The following KALRN variants were observed in gnomAD, a reference collection of about 807,000 sequenced individuals.
KALRN encodes the protein kalirin RhoGEF kinase.
Under a neutral mutation model 353.7 loss-of-function variants are expected in KALRN, and 70 were observed. The observed-to-expected ratio is 0.20, with a 90% confidence interval of 0.16 to 0.24. KALRN has a LOEUF of 0.24. Among genes scored for constraint, KALRN ranks in the 10% least tolerant of loss-of-function variants. The probability of loss-of-function intolerance (pLI) is 1.00; values close to 1 mark genes in which losing one functional copy is unlikely to be tolerated. For missense variants in KALRN, 2,791 were observed against 3,756.7 expected (o/e 0.74, Z 6.72); for synonymous variants, 1,391 against 1,434.8 (o/e 0.97, Z 0.69).
intron 17 of KALRN, among the ~76,000 whole-genome samples, chr3:124,434,979 A>T (rs866789583): frequency 6.6e-6 from 1 of 152,210 alleles, no homozygotes; most frequent in East Asian, 1.9e-4. Flanking sequence ...ATCTGTTCCC[A>T]TGTCTCTTGT....
intron 1 of KALRN, among the ~76,000 whole-genome samples, chr3:124,052,180 G>C (rs1367236665): frequency 6.6e-6 from 1 of 152,208 alleles, no homozygotes; most frequent in Admixed American, 6.5e-5. Context: ...CCAGAACTCA[G>C]AGGTGACCCA....
At chr3:124,657,652 T>C in intron 40 of KALRN, 82 bp from the exon 41 acceptor site, 1 of 1,364,592 alleles carries the variant, frequency 7.3e-7, no homozygotes, top group Non-Finnish European at 1.0e-6. Context: ...GGGGAGAGTC[T>C]TCTGTAATTC....
At chr3:124,477,406 T>G in intron 27 of KALRN, 72 bp downstream of exon 27, 2 of 1,132,858 alleles carry the variant, frequency 1.8e-6, no homozygotes, top group Non-Finnish European at 2.7e-6. Context: ...GCATAATGGA[T>G]GGATATTTAG....
intron 36 of KALRN, chr3:124,636,988 A>G: frequency 3.6e-6 from 2 of 554,682 alleles, no homozygotes; most frequent in Non-Finnish European, 6.6e-6. Flanking sequence ...AGGATAGCCT[A>G]GTACCATCCA....
chr3:124,440,406 A>G (rs988692057), intron 18 of KALRN, among the ~76,000 whole-genome samples: 1 of 152,182 alleles, frequency 6.6e-6, no homozygotes, highest in Non-Finnish European at 1.5e-5. Context: ...TATGCCCAGT[A>G]AATAGAATAT....
At position 124,667,178 on chromosome 3, in the gene KALRN, T is replaced by C. The variant is rs775218572; in HGVS notation, c.6698T>C (p.Leu2233Ser). 1 of 1,613,650 alleles carries C rather than the reference T, an allele frequency of 6.2e-7. No individual in the cohort carries two copies. The change falls in exon 47 of 60, where the codon TTG (leucine) becomes TCG (serine). Residue 2233 changes from leucine to serine, a missense_variant. Physicochemically the swap from Leu to Ser is moderately radical, Grantham distance 145. Around this residue, in one of 11 missense-constraint regions of KALRN, gnomAD observed 1,065 missense variants for 1,156.4 expected, o/e 0.92. Transcript: ENST00000682506. ...NQVLETQRDF[L>S]NALQSPIEYQ... Reference sequence around the variant, plus strand: ...GTCTTAGAAACACAGCGAGACTTTTTGAATGGTGGGTGCTGGGCTTGGTTC... The same window carrying C: ...GTCTTAGAAACACAGCGAGACTTTTCGAATGGTGGGTGCTGGGCTTGGTTC...
intron 33 of KALRN, among the ~76,000 whole-genome samples, chr3:124,554,800 C>T (rs1302055903): frequency 1.3e-5 from 2 of 152,192 alleles, no homozygotes; most frequent in African/African-American, 4.8e-5. Flanking sequence ...TTAAAGTTCT[C>T]ACTGTGAAGT....
intron 31 of KALRN, among the ~76,000 whole-genome samples, chr3:124,492,486 G>T (rs1033147316): frequency 6.6e-6 from 1 of 152,194 alleles, no homozygotes; most frequent in Non-Finnish European, 1.5e-5. Flanking sequence ...AGTGCCTTAT[G>T]AGTTATGAAA....
chr3:124,598,185 T>C (rs1048216190), intron 34 of KALRN, among the ~76,000 whole-genome samples: 3 of 152,236 alleles, frequency 2.0e-5, no homozygotes, highest in African/African-American at 7.2e-5. Flanking sequence ...GGAAATCAGC[T>C]GCTCCTCTGG....
intron 11 of KALRN, among the ~76,000 whole-genome samples, chr3:124,389,884 A>G (rs779579448): frequency 2.0e-5 from 3 of 152,208 alleles, no homozygotes; most frequent in Non-Finnish European, 2.9e-5. Context: ...TAAATTCATA[A>G]TCAGGAACAA....
chr3:124,707,575 A>C (rs893075633), intron 57 of KALRN, among the ~76,000 whole-genome samples: 3 of 152,178 alleles, frequency 2.0e-5, no homozygotes, highest in African/African-American at 7.2e-5. Flanking sequence ...TAGCATGCAC[A>C]AACAGCAAAA....
chr3:124,296,148 G>A (rs1257448841), intron 5 of KALRN, among the ~76,000 whole-genome samples: 1 of 152,192 alleles, frequency 6.6e-6, no homozygotes, highest in East Asian at 1.9e-4. Flanking sequence ...TTAAGTGTGA[G>A]TTGTTACAGC....
At chr3:124,397,013 C>T (rs2090249520) in intron 12 of KALRN, among the ~76,000 whole-genome samples, 1 of 152,228 alleles carries the variant, frequency 6.6e-6, no homozygotes, top group African/African-American at 2.4e-5. Context: ...ATCTTTCTGA[C>T]ACTTGTTACT....
intron 34 of KALRN, 22 bp downstream of exon 34, chr3:124,563,111 G>C (rs771852130): frequency 3.7e-5 from 51 of 1,362,126 alleles, no homozygotes; most frequent in Non-Finnish European, 4.7e-5. Context: ...GAGCGGGTGG[G>C]AGGCACAGAC....
At chr3:124,395,661 AT>A (rs2090074903) in intron 12 of KALRN, 1 of 330,480 alleles carries the variant, frequency 3.0e-6, no homozygotes. Context: ...ATTAGGGCAT[AT>A]TTGCTCATGC....
chr3:124,672,500 G>C (rs1209209339), intron 48 of KALRN, among the ~76,000 whole-genome samples: 1 of 152,198 alleles, frequency 6.6e-6, no homozygotes, highest in East Asian at 1.9e-4. Context: ...ATGATGATCT[G>C]CCTCGAGCAC....
At chr3:124,451,169 G>T (rs2058741846) in intron 21 of KALRN, among the ~76,000 whole-genome samples, 2 of 151,972 alleles carry the variant, frequency 1.3e-5, no homozygotes, top group African/African-American at 4.8e-5. Context: ...TGTAAAATGT[G>T]CTAAAGTCAA....
chr3:124,388,773 G>A (rs1004707780), intron 11 of KALRN, among the ~76,000 whole-genome samples: 5 of 152,106 alleles, frequency 3.3e-5, no homozygotes, highest in Non-Finnish European at 7.4e-5. Flanking sequence ...TTAGAAGACA[G>A]AAATGAGCAT....
At chr3:124,202,858 A>G (rs533116950) in intron 1 of KALRN, among the ~76,000 whole-genome samples, 3 of 152,094 alleles carry the variant, frequency 2.0e-5, no homozygotes, top group Non-Finnish European at 2.9e-5. Flanking sequence ...GGAGCTCTCA[A>G]TGCTGCTGTG....
Sources: gnomAD v4.1 joint callset for allele counts (sites outside exome capture counted in the v4.1 genomes callset) on GRCh38, gnomAD v4.1.1 for gene constraint, gnomAD v4.1.1 regional missense constraint, MANE v1.5 for transcripts, NCBI Gene and HGNC (gene_info 2026-07-23, HGNC 2026-07-21) for gene names.